INTS1: variants seen among roughly 807,000 people sequenced by gnomAD.
INTS1 encodes the protein integrator complex subunit 1.
A neutral mutation model predicts 241.6 loss-of-function variants in INTS1; 137 were observed. That is an observed-to-expected ratio of 0.57 (90% confidence interval 0.49 to 0.65). The LOEUF is 0.65. Ranked by LOEUF, INTS1 falls within the 30% of genes least tolerant of loss-of-function variation. The pLI is 0.00. For synonymous variants in INTS1, 1,692 were observed against 1,337.8 expected, an observed-to-expected ratio of 1.26 and a Z score of -5.78; for missense variants, 3,073 against 3,032.2, an observed-to-expected ratio of 1.01 and a Z score of -0.32.
rs1216845406 is a variant in INTS1 at position 1,504,318 on chromosome 7, C to T, written c.-42+5G>A. The T allele has an allele frequency of 1.9e-6, 1 of 532,802 alleles. No individual in the cohort carries two copies. Among genetic ancestry groups the T allele is most frequent in the South Asian group, 1.6e-5 (1 of 63,954 alleles). The allele number at this position is 532,802 out of a possible 1,614,324, so 33.0% of individuals were successfully genotyped here. On this transcript the variant is annotated splice_donor_5th_base_variant and intron_variant, in intron 1 of 47. Coordinates refer to ENST00000404767, the MANE Select transcript of INTS1 (RefSeq NM_001080453.3). ...GAGGAAGCGCCCAGGCCGCGGCTCA[C>T]TTACCTCTGGCCCATCGCGACCGGA...
In INTS1 at chr7:1,486,780, G is replaced by A; in HGVS notation, c.2827-6C>T. ...TGCCGCTGCTTCTGTTGCCTCTGCA[G>A]GGAGGAAGGGGCTCTCAGGGGTGCA... On this transcript the variant is annotated splice_region_variant and splice_polypyrimidine_tract_variant and intron_variant, in intron 21 of 47. Coordinates refer to ENST00000404767, the MANE Select transcript of INTS1 (RefSeq NM_001080453.3). 1 of 1,611,912 alleles carries A rather than the reference G, an allele frequency of 6.2e-7. No homozygotes were observed. The highest frequency in any genetic ancestry group is 8.5e-7 in the Non-Finnish European group (1 of 1,179,554).
Position 1,472,345 on chromosome 7 carries a change from G to A in INTS1, c.6112C>T (p.Leu2038=). The part of the protein sequence containing the change: ...AGSLPLVSVS[L]FTPLTAAEMA... ...TCGGCCGCGGTCAGAGGGGTGAACA[G>A]GGAGACGCTGACCAGGGGCAAGGAG... The change falls in exon 44 of 48, where the codon CTG becomes TTG. Residue 2038 remains leucine (L), a synonymous_variant. Transcript: ENST00000404767. The A allele has an allele frequency of 1.9e-6, 3 of 1,573,814 alleles. No individual in the cohort carries two copies. Among genetic ancestry groups the A allele is most frequent in the Non-Finnish European group, 1.7e-6 (2 of 1,160,418 alleles).
At position 1,498,772 on chromosome 7, in the gene INTS1, G is replaced by C; in HGVS notation, c.1218C>G (p.Ile406Met). ...NTHGSEDMDV[I>M]SHLIKIRLKP... is the part of the protein sequence containing the mutation. ...TGAGGCGGATCTTGATCAGGTGTGA[G>C]ATGACGTCCATGTCTTCGGAACCGT... The change falls in exon 9 of 48, where the codon ATC becomes ATG. Residue 406 changes from isoleucine (I) to methionine (M), a missense_variant. Coordinates refer to ENST00000404767, the MANE Select transcript of INTS1 (RefSeq NM_001080453.3). The C allele has an allele frequency of 6.3e-7, 1 of 1,588,668 alleles. No individual in the cohort carries two copies. Among genetic ancestry groups the C allele is most frequent in the Non-Finnish European group, 8.6e-7 (1 of 1,167,768 alleles).
Position 1,473,671 on chromosome 7 carries a change from T to C in INTS1, c.5852A>G (p.His1951Arg), listed in dbSNP as rs1359667015. The C allele has an allele frequency of 1.2e-5, 19 of 1,613,198 alleles. No homozygotes were observed. Among genetic ancestry groups the C allele is most frequent in the Middle Eastern group, 3.3e-4 (2 of 6,080 alleles). Residue 1951 changes from histidine to arginine, a missense_variant, in exon 42 of 48, where the codon CAT (histidine) becomes CGT (arginine). Physicochemically the swap from His to Arg is conservative, Grantham distance 29 (BLOSUM62 0). Transcript: ENST00000404767. ...AAACTTGTTGATGAAGGCAGCCAGA[T>C]GGCGGGAGGACTTCCTGTAATTCTG... ...LLLNYRKSSR[H>R]LAAFINKFVQ... is the part of the protein sequence containing the mutation.
intron 39 of INTS1, 72 bp from the exon 40 acceptor site, chr7:1,474,910 G>A (rs1026099894): frequency 3.6e-5 from 54 of 1,505,160 alleles, no homozygotes; most frequent in African/African-American, 2.8e-4. Context: ...CAGCCTGGCC[G>A]CCAGCTGTGG....
chr7:1,473,494 A>C, intron 42 of INTS1, 72 bp downstream of exon 42: 1 of 1,522,540 alleles, frequency 6.6e-7, no homozygotes, highest in Non-Finnish European at 8.9e-7. Flanking sequence ...CGGCCTTCCC[A>C]GGAACACCCT....
Position 1,498,732 on chromosome 7 carries a change from G to A in INTS1, c.1258C>T (p.Leu420Phe). ...IKIRLKPKVL[L>F]NHFMLCIREL... is the part of the protein sequence containing the mutation. ...CTGATGCACAGCATGAAGTGGTTGA[G>A]GAGGACCTTGGGCTTGAGGCGGATC... Residue 420 changes from leucine (L) to phenylalanine (F), a missense_variant, in exon 9 of 48, where the codon CTC becomes TTC. Transcript: ENST00000404767. 1.3e-6 allele frequency: 2 copies of A among 1,559,200 alleles called. No homozygotes were observed.
In INTS1 at chr7:1,476,399, C is replaced by T. The variant is rs754724545; in HGVS notation, c.5208G>A (p.Val1736=). ...TCTCCGCCTCGGCCAGGATCAGCTC[C>T]ACCAGGCTGATGAGCTCCGGGCCCT... The part of the protein sequence containing the change: ...RVQGPELISL[V]ELILAEAETR... Residue 1736 remains valine, a synonymous_variant, in exon 38 of 48, where the codon GTG becomes GTA. Transcript: ENST00000404767. 4.4e-6 allele frequency: 7 copies of T among 1,577,054 alleles called. No individual in the cohort carries two copies. The highest frequency in any genetic ancestry group is 4.6e-5 in the East Asian group (2 of 43,016).
intron 16 of INTS1, 135 bp from the exon 17 acceptor site, chr7:1,489,817 C>T: frequency 1.6e-6 from 1 of 622,462 alleles, no homozygotes; most frequent in Non-Finnish European, 2.8e-6. Context: ...TCCAGTGACA[C>T]CTGTCCAAGC....
chr7:1,472,147 C>T (rs546941145), intron 44 of INTS1, 126 bp downstream of exon 44: 15 of 714,028 alleles, frequency 2.1e-5, no homozygotes, highest in South Asian at 1.3e-4. Flanking sequence ...ACAGCCCACC[C>T]ACCCACAGCC....
chr7:1,488,719 C>T (rs1003335465), intron 18 of INTS1, among the ~76,000 whole-genome samples: 1 of 152,230 alleles, frequency 6.6e-6, no homozygotes, highest in African/African-American at 2.4e-5. Context: ...TGGCCACTGC[C>T]CTTGGTGTGG....
intron 39 of INTS1, 102 bp from the exon 40 acceptor site, chr7:1,474,940 A>T: frequency 6.9e-7 from 1 of 1,447,656 alleles, no homozygotes; most frequent in Middle Eastern, 2.5e-4. Context: ...ACCGCGTGGC[A>T]CGCCATGAGC....
chr7:1,488,939 A>G (rs1370783761), intron 18 of INTS1, among the ~76,000 whole-genome samples: 1 of 152,146 alleles, frequency 6.6e-6, no homozygotes, highest in Non-Finnish European at 1.5e-5. Flanking sequence ...CCCACTGGCC[A>G]GTGTTAAAGC....
chr7:1,481,366 G>C lies in INTS1; in HGVS notation c.3826C>G (p.Leu1276Val), dbSNP rs1017950039. The C allele has an allele frequency of 6.2e-7, 1 of 1,612,938 alleles. No individual in the cohort carries two copies. ...DQAVAHDPQT[L>V]EQNIMDKNYM... ...CTCTTGTCCATGATGTTCTGCTCCAGAGTCTGGGGGTCGTGGGCCACTGCC... is the reference window on the plus strand; with the variant it reads ...CTCTTGTCCATGATGTTCTGCTCCACAGTCTGGGGGTCGTGGGCCACTGCC... Residue 1276 changes from leucine (L) to valine (V), a missense_variant, in exon 28 of 48, where the codon CTG becomes GTG. Physicochemically the swap from Leu to Val is conservative, Grantham distance 32. Coordinates refer to ENST00000404767, the MANE Select transcript of INTS1 (RefSeq NM_001080453.3). This position sits in a 1 kb window ranked among gnomAD's most constrained non-coding sequence, Gnocchi z 6.8.
Position 1,481,553 on chromosome 7 carries a change from C to G in INTS1, c.3704-65G>C. 1 of 1,518,096 alleles carries G rather than the reference C, an allele frequency of 6.6e-7. No homozygotes were observed. Among genetic ancestry groups the G allele is most frequent in the South Asian group, 1.3e-5 (1 of 79,566 alleles). 94.0% of individuals were successfully genotyped at this position (1,518,096 alleles called of 1,614,324 possible). The stretch of plus-strand genomic sequence containing the variant: ...GGCAATGCGCACTCGGGACCCCACC[C>G]GAGACCTGGGGCTGCCTGTGTGCAG... On this transcript the variant is annotated intron_variant, in intron 27 of 47. Transcript: ENST00000404767. The surrounding 1 kb of genome is among the most constrained non-coding windows in gnomAD (Gnocchi z 6.8).
At chr7:1,498,943 GC>G in intron 8 of INTS1, 31 bp downstream of exon 8, 1 of 1,070,748 alleles carries the variant, frequency 9.3e-7, no homozygotes, top group Non-Finnish European at 1.3e-6. Flanking sequence ...CCCACCCCCT[GC>G]CCCGCCCACC....
chr7:1,503,336 C>A (rs1783292095), intron 2 of INTS1, 145 bp from the exon 3 acceptor site: 1 of 847,450 alleles, frequency 1.2e-6, no homozygotes, highest in Admixed American at 3.0e-5. Context: ...CAGCAGCCTA[C>A]AGCAGAGCTG....
At position 1,499,570 on chromosome 7, in the gene INTS1, A is replaced by T. The variant is rs370706307; in HGVS notation, c.747T>A (p.Phe249Leu). The T allele has an allele frequency of 9.9e-6, 16 of 1,613,340 alleles. No individual in the cohort carries two copies. In the African/African-American group the frequency reaches 1.7e-4, roughly 17 times the overall value. Residue 249 changes from phenylalanine (F) to leucine (L), a missense_variant, in exon 6 of 48, where the codon TTT becomes TTA. By Grantham distance (22) the Phe-to-Leu change is conservative. Coordinates refer to ENST00000404767, the MANE Select transcript of INTS1 (RefSeq NM_001080453.3). ...IWVDSPHCKT[F>L]VDNIQTAFNT... ...TGAAGGCCGTCTGGATGTTGTCCAC[A>T]AACGTCTTACAGTGAGGGCTGTCCA...
At chr7:1,500,123 C>CA in intron 4 of INTS1, 47 bp downstream of exon 4, 1 of 1,581,490 alleles carries the variant, frequency 6.3e-7, no homozygotes, top group Non-Finnish European at 8.6e-7. Flanking sequence ...GGAGGGGAGC[C>CA]AAGGGCCCCA....
Sources: gnomAD v4.1 joint callset for allele counts (sites outside exome capture counted in the v4.1 genomes callset) on GRCh38, gnomAD v4.1.1 for gene constraint, Gnocchi (gnomAD v3.1) non-coding constraint, MANE v1.5 for transcripts, NCBI Gene and HGNC (gene_info 2026-07-23, HGNC 2026-07-21) for gene names.